Variants in BCAS3 observed in about 807,000 individuals in gnomAD.
The protein encoded by BCAS3 is BCAS4/BCAS3 fusion.
BCAS3 carries 53 observed loss-of-function variants against 116.1 expected under a neutral mutation model. The observed-to-expected ratio is 0.46, with a 90% CI of 0.37 to 0.57. The LOEUF (loss-of-function observed/expected upper bound fraction) is 0.57, where lower values mean the gene tolerates loss of function less well. Ranked by LOEUF, BCAS3 falls within the 20% of genes least tolerant of loss-of-function variation. The pLI is 0.00. For missense variants in BCAS3, 917 were observed against 1,165.4 expected (o/e 0.79, Z 3.10); for synonymous variants, 391 against 408.2 (o/e 0.96, Z 0.51).
Position 61,083,746 on chromosome 17 carries a change from C to T in BCAS3, c.2328-721C>T, listed in dbSNP as rs554947161. Among the ~76,000 whole-genome samples the T allele has an allele frequency of 6.6e-6, 1 of 152,084 alleles. No homozygotes were observed. Among genetic ancestry groups the T allele is most frequent in the African/African-American group, 2.4e-5 (1 of 41,488 alleles). ...GAGTAGCTGGGACTATAGGTGCATGCCACCACACCCGGCTAATTTTTGCAT... is the reference window on the plus strand; with the variant it reads ...GAGTAGCTGGGACTATAGGTGCATGTCACCACACCCGGCTAATTTTTGCAT... On this transcript the variant is annotated intron_variant, in intron 21 of 23. Coordinates refer to ENST00000407086, the MANE Select transcript of BCAS3 (RefSeq NM_017679.5). The surrounding 1 kb of genome is among the most constrained non-coding windows in gnomAD (Gnocchi z 4.9).
chr17:61,330,079 C>T (rs905182599), intron 22 of BCAS3, among the ~76,000 whole-genome samples: 1 of 152,108 alleles, frequency 6.6e-6, no homozygotes, highest in South Asian at 2.1e-4. Flanking sequence ...GCCCGGAGGT[C>T]TCTTCTGAGT....
chr17:60,902,850 A>T, intron 11 of BCAS3, 147 bp downstream of exon 11: 1 of 632,934 alleles, frequency 1.6e-6, no homozygotes, highest in East Asian at 2.8e-5. Flanking sequence ...TAGCTTCAAG[A>T]CTGTTACCTA....
chr17:60,881,885 A>G (rs376163135), intron 9 of BCAS3, among the ~76,000 whole-genome samples: 1 of 146,332 alleles, frequency 6.8e-6, no homozygotes, highest in African/African-American at 2.7e-5. Flanking sequence ...ATTGTGAATA[A>G]TGCCGCAATA....
intron 5 of BCAS3, among the ~76,000 whole-genome samples, chr17:60,744,867 T>G (rs80256515): frequency 0.034 from 5,136 of 152,256 alleles, 242 homozygotes; most frequent in African/African-American, 0.1. Flanking sequence ...AAGCTTAGAA[T>G]AGGGCATTTA....
intron 14 of BCAS3, among the ~76,000 whole-genome samples, chr17:60,953,954 G>A (rs575314888): frequency 7.9e-5 from 12 of 152,056 alleles, no homozygotes; most frequent in African/African-American, 1.2e-4. Context: ...GGCTGGTCTC[G>A]AATTCCTGAC....
At chr17:61,002,297 G>C (rs2064297888) in intron 15 of BCAS3, among the ~76,000 whole-genome samples, 1 of 152,044 alleles carries the variant, frequency 6.6e-6, no homozygotes, top group South Asian at 2.1e-4. Context: ...ATAAATGCCA[G>C]ATGATGTAGT....
Position 61,256,321 on chromosome 17 carries a change from T to A in BCAS3, c.2426-112006T>A, listed in dbSNP as rs897274669. 1.5e-4 allele frequency among the ~76,000 whole-genome samples: 23 copies of A among 152,294 alleles called. No individual in the cohort carries two copies. Among genetic ancestry groups the A allele is most frequent in the Non-Finnish European group, 2.8e-4 (19 of 68,024 alleles). On this transcript the variant is annotated intron_variant, in intron 22 of 23. Coordinates refer to ENST00000407086, the MANE Select transcript of BCAS3 (RefSeq NM_017679.5). This position sits in a 1 kb window ranked among gnomAD's most constrained non-coding sequence, Gnocchi z 5.6. ...TTTATTTTATTTTATTTTTATTTTT[T>A]GAGGCAGAGTTTCACTCTCTCGCCC...
chr17:61,081,684 T>C (rs1055810758), intron 21 of BCAS3, among the ~76,000 whole-genome samples: 8 of 152,190 alleles, frequency 5.3e-5, no homozygotes, highest in East Asian at 1.9e-4. Context: ...ATGGGAAATA[T>C]AGATTTTATT....
chr17:60,719,413 T>G (rs529517227), intron 5 of BCAS3, among the ~76,000 whole-genome samples: 3 of 152,360 alleles, frequency 2.0e-5, no homozygotes, highest in African/African-American at 7.2e-5. Flanking sequence ...AATTCGTCTT[T>G]TATGACAAAC....
chr17:61,297,953 A>C (rs2144729348), intron 22 of BCAS3, among the ~76,000 whole-genome samples: 1 of 152,330 alleles, frequency 6.6e-6, no homozygotes, highest in East Asian at 1.9e-4. Context: ...TAGCAAAATG[A>C]ACTAGCAGCT....
At chr17:61,320,090 A>G (rs2055081709) in intron 22 of BCAS3, among the ~76,000 whole-genome samples, 1 of 151,430 alleles carries the variant, frequency 6.6e-6, no homozygotes, top group African/African-American at 2.4e-5. Flanking sequence ...GGGTTTTGCT[A>G]TGTTTGCCAG....
intron 14 of BCAS3, among the ~76,000 whole-genome samples, chr17:60,972,770 T>TA (rs1307933152): frequency 6.6e-6 from 1 of 152,218 alleles, no homozygotes; most frequent in East Asian, 1.9e-4. Flanking sequence ...CACGTGTTTT[T>TA]ATCAGTTCTG....
intron 22 of BCAS3, among the ~76,000 whole-genome samples, chr17:61,237,606 G>A (rs1442751381): frequency 2.6e-5 from 4 of 152,176 alleles, no homozygotes; most frequent in Non-Finnish European, 5.9e-5. Flanking sequence ...CATTCTTGAA[G>A]TCAGCAAGAC....
chr17:60,787,006 T>G (rs1175378837), intron 6 of BCAS3, among the ~76,000 whole-genome samples: 1 of 152,178 alleles, frequency 6.6e-6, no homozygotes, highest in Admixed American at 6.5e-5. Flanking sequence ...CTAAACTGAT[T>G]ATTAATATTT....
chr17:61,045,874 T>A (rs1395910981), intron 19 of BCAS3, among the ~76,000 whole-genome samples: 2 of 50,710 alleles, frequency 3.9e-5, no homozygotes, highest in African/African-American at 3.7e-4. Flanking sequence ...TAAATATATA[T>A]AAATATATAT....
At chr17:61,000,438 A>G (rs2064157411) in intron 15 of BCAS3, among the ~76,000 whole-genome samples, 2 of 152,162 alleles carry the variant, frequency 1.3e-5, no homozygotes, top group South Asian at 4.1e-4. Flanking sequence ...CAAATTATTT[A>G]TTCTATCTGT....
At chr17:60,704,700 T>C (rs980436883) in intron 4 of BCAS3, among the ~76,000 whole-genome samples, 1 of 151,946 alleles carries the variant, frequency 6.6e-6, no homozygotes, top group African/African-American at 2.4e-5. Context: ...TAGCCGGGCA[T>C]GGTGGTGCGT....
At chr17:61,094,265 A>G (rs996465775) in intron 22 of BCAS3, among the ~76,000 whole-genome samples, 1 of 152,228 alleles carries the variant, frequency 6.6e-6, no homozygotes, top group Non-Finnish European at 1.5e-5. Context: ...CTGTATATCA[A>G]GTGGGAATGA....
chr17:60,793,163 T>A (rs1254489819), intron 6 of BCAS3, among the ~76,000 whole-genome samples: 1 of 152,162 alleles, frequency 6.6e-6, no homozygotes, highest in Non-Finnish European at 1.5e-5. Context: ...AGTGGCACGA[T>A]TTCTGCTCAC....
Sources: allele counts gnomAD v4.1 joint callset (sites outside exome capture counted in the v4.1 genomes callset), GRCh38; gene constraint gnomAD v4.1.1; non-coding constraint Gnocchi (gnomAD v3.1); transcripts MANE v1.5; gene names NCBI Gene and HGNC (gene_info 2026-07-23, HGNC 2026-07-21).